Variants in SASS6 observed in about 807,000 individuals in gnomAD.
SASS6 encodes spindle assembly abnormal protein 6 homolog.
Under a neutral mutation model 94.9 loss-of-function variants are expected in SASS6, and 59 were observed. The ratio of observed to expected loss-of-function variants is 0.62; its 90% confidence interval spans 0.50 to 0.77. SASS6 has a LOEUF of 0.77. SASS6 is among the 30% of genes least tolerant of loss of function. SASS6 has a pLI of 0.00. For synonymous variants in SASS6, 264 were observed against 270.0 expected (o/e 0.98, Z 0.22); for missense variants, 698 against 734.1 (o/e 0.95, Z 0.57).
At chr1:100,089,289 T>C (rs942506724) in intron 14 of SASS6, among the ~76,000 whole-genome samples, 14 of 152,086 alleles carry the variant, frequency 9.2e-5, no homozygotes, top group African/African-American at 1.4e-4. Context: ...CCACGTATAA[T>C]TGGAGTACCA....
intron 1 of SASS6, among the ~76,000 whole-genome samples, chr1:100,132,264 G>A (rs771401244): frequency 2.6e-5 from 4 of 152,134 alleles, no homozygotes; most frequent in African/African-American, 9.7e-5. Context: ...CAACTGATGT[G>A]AAGAGCCAAA....
chr1:100,096,716 G>T (rs1455053924), intron 14 of SASS6, among the ~76,000 whole-genome samples: 1 of 152,176 alleles, frequency 6.6e-6, no homozygotes, highest in Admixed American at 6.5e-5. Flanking sequence ...ATGGTCAAAA[G>T]ATTCAAATAG....
chr1:100,090,037 G>A (rs146298232), intron 14 of SASS6, among the ~76,000 whole-genome samples: 6 of 152,058 alleles, frequency 3.9e-5, no homozygotes, highest in African/African-American at 1.2e-4. Context: ...ATATTTGAAA[G>A]TAGATGATGA....
At chr1:100,099,351 A>C (rs555323198) in intron 14 of SASS6, 1 of 154,010 alleles carries the variant, frequency 6.5e-6, no homozygotes, top group South Asian at 2.1e-4. Context: ...GAAAATAAAA[A>C]TGTAAACGTT....
At chr1:100,086,648 C>A (rs1331329159) in intron 15 of SASS6, among the ~76,000 whole-genome samples, 1 of 151,648 alleles carries the variant, frequency 6.6e-6, no homozygotes, top group African/African-American at 2.4e-5. Context: ...GCAGCTGGAA[C>A]TACAAGCATG....
At chr1:100,130,650 C>CAAT (rs1654936042) in intron 1 of SASS6, among the ~76,000 whole-genome samples, 1 of 138,744 alleles carries the variant, frequency 7.2e-6, no homozygotes, top group Non-Finnish European at 1.5e-5. Flanking sequence ...AATCGTGCTA[C>CAAT]AATACTCCAG....
intron 7 of SASS6, among the ~76,000 whole-genome samples, 190 bp downstream of exon 7, chr1:100,118,827 GA>G (rs980289685): frequency 1.6e-4 from 24 of 151,834 alleles, no homozygotes; most frequent in African/African-American, 2.9e-4. Flanking sequence ...AGAAAAGTCT[GA>G]AAAAAATACA....
intron 7 of SASS6, among the ~76,000 whole-genome samples, 187 bp from the exon 8 acceptor site, chr1:100,110,670 C>T (rs180854794): frequency 1.4e-3 from 217 of 151,792 alleles, no homozygotes; most frequent in African/African-American, 5.1e-3. Flanking sequence ...AATTTCATGA[C>T]GGAGAAAGCA....
intron 7 of SASS6, among the ~76,000 whole-genome samples, chr1:100,111,022 TA>T (rs1333157558): frequency 2.0e-5 from 3 of 152,054 alleles, no homozygotes; most frequent in Admixed American, 1.3e-4. Context: ...AACATGGTTA[TA>T]ACTGTGCAAT....
Position 100,126,212 on chromosome 1 carries a change from A to C in SASS6, c.66-270T>G, listed in dbSNP as rs141574830. Among the ~76,000 whole-genome samples, 51 of 152,334 alleles carry C rather than the reference A, an allele frequency of 3.3e-4. 1 individual carries two copies. The East Asian group carries it at 8.7e-3, about 26-fold the overall frequency. ...GGATTAAATGAAATAAACACTGTGG[A>C]GTGCCTAGCACTAGCCTGATATATG... On this transcript the variant is annotated intron_variant, in intron 1 of 16. Coordinates refer to ENST00000287482, the MANE Select transcript of SASS6 (RefSeq NM_194292.3).
chr1:100,104,889 G>A (rs900918911), intron 13 of SASS6, among the ~76,000 whole-genome samples: 3 of 151,664 alleles, frequency 2.0e-5, no homozygotes, highest in Non-Finnish European at 4.4e-5. Context: ...GGAGGTCAAG[G>A]CTGCCATGAG....
Position 100,107,845 on chromosome 1 carries a change from T to C in SASS6, c.1021A>G (p.Thr341Ala), listed in dbSNP as rs1260169868. The C allele has an allele frequency of 1.9e-6, 3 of 1,612,910 alleles. No homozygotes were observed. Among genetic ancestry groups the C allele is most frequent in the Middle Eastern group, 3.3e-4 (2 of 6,054 alleles). ...IKDKDQLVLRTKEAFDTIQEQ... is the reference protein window; with the variant it reads ...IKDKDQLVLRAKEAFDTIQEQ... ...TGGATTGTATCAAATGCCTCTTTTGTTCTTAAAACAAGCTGGTCCTTATCC... is the reference window on the plus strand; with the variant it reads ...TGGATTGTATCAAATGCCTCTTTTGCTCTTAAAACAAGCTGGTCCTTATCC... Residue 341 changes from threonine to alanine, a missense_variant, in exon 9 of 17, where the codon ACA becomes GCA. Physicochemically the swap from Thr to Ala is moderately conservative, Grantham distance 58. Coordinates refer to ENST00000287482, the MANE Select transcript of SASS6 (RefSeq NM_194292.3).
chr1:100,125,737 A>G (rs1654570670), intron 2 of SASS6, 145 bp downstream of exon 2: 1 of 607,858 alleles, frequency 1.6e-6, no homozygotes, highest in Admixed American at 3.5e-5. Flanking sequence ...AGTAGATTCC[A>G]CCACCCTTGA....
At chr1:100,091,673 T>C (rs1191859036) in intron 14 of SASS6, among the ~76,000 whole-genome samples, 1 of 141,956 alleles carries the variant, frequency 7.0e-6, no homozygotes, top group African/African-American at 2.6e-5. Context: ...ATGGAAATTT[T>C]AGAACAGAAA....
rs1469940837 is a variant in SASS6 at position 100,132,921 on chromosome 1, T to C, written c.-107A>G. ...ATAAAGTTTGAGTTTGGCGCTCGGC[T>C]TCTGCGGAGGAGGCGGGGAGGGAGA... On this transcript the variant is annotated 5_prime_UTR_variant, in exon 1 of 17. Coordinates refer to ENST00000287482, the MANE Select transcript of SASS6 (RefSeq NM_194292.3). 1 of 1,167,710 alleles carries C rather than the reference T, an allele frequency of 8.6e-7. No individual in the cohort carries two copies. The highest frequency in any genetic ancestry group is 1.3e-6 in the Non-Finnish European group (1 of 794,784). 72.3% of individuals were successfully genotyped at this position (1,167,710 alleles called of 1,614,324 possible).
chr1:100,119,577 T>C (rs1011456042), intron 6 of SASS6, among the ~76,000 whole-genome samples: 1 of 152,198 alleles, frequency 6.6e-6, no homozygotes, highest in Non-Finnish European at 1.5e-5. Context: ...AAGTCTCATG[T>C]TCAAATGTAA....
chr1:100,101,127 G>A lies in SASS6; in HGVS notation c.1674+1828C>T, dbSNP rs1351773956. On this transcript the variant is annotated intron_variant, in intron 14 of 16. Coordinates refer to ENST00000287482, the MANE Select transcript of SASS6 (RefSeq NM_194292.3). ...ACTCCATTTTATAAGTGGGAAAACT[G>A]AAGTGTAAGAGTTGAATGTTGTTTG... Among the ~76,000 whole-genome samples, 5 of 152,164 alleles carry A rather than the reference G, an allele frequency of 3.3e-5. No homozygotes were observed. The South Asian group carries it at 1.0e-3, about 31-fold the overall frequency.
In SASS6 at chr1:100,083,928, A is replaced by ATTAT. The variant is rs1277658365; in HGVS notation, c.*1399_*1400insATAA. The ATTAT allele has an allele frequency of 7.0e-6, 1 of 143,006 alleles. No individual in the cohort carries two copies. The highest frequency in any genetic ancestry group is 1.5e-5 in the Non-Finnish European group (1 of 67,842). The allele number at this position is 143,006 out of a possible 1,614,324, so 8.9% of individuals were successfully genotyped here. ...ACAAAGCCCCTTCCATAGTATTTAC[A>ATTAT]ATAAAGCTCCTTCCAAAATCACCAA... On this transcript the variant is annotated 3_prime_UTR_variant, in exon 17 of 17. Transcript: ENST00000287482.
chr1:100,132,606 G>T, intron 1 of SASS6, 144 bp downstream of exon 1: 1 of 736,846 alleles, frequency 1.4e-6, no homozygotes. Flanking sequence ...TAACCACCGG[G>T]CCCTCTGGGT....
Sources: gnomAD v4.1 joint callset for allele counts (sites outside exome capture counted in the v4.1 genomes callset) on GRCh38, gnomAD v4.1.1 for gene constraint, MANE v1.5 for transcripts, NCBI Gene and HGNC (gene_info 2026-07-23, HGNC 2026-07-21) for gene names.